Variants in TGFB2 observed in about 807,000 individuals in gnomAD.
TGFB2 encodes the protein transforming growth factor beta-2 proprotein.
In TGFB2, 13 loss-of-function variants were observed where a neutral mutation model predicts 42.7. That is an observed-to-expected ratio of 0.30 (90% confidence interval 0.20 to 0.48). The LOEUF (loss-of-function observed/expected upper bound fraction) is 0.48. TGFB2 is among the 20% of genes least tolerant of loss of function. The probability of loss-of-function intolerance (pLI) is 0.99; values close to 1 mark genes in which losing one functional copy is unlikely to be tolerated. For synonymous variants in TGFB2, 193 were observed against 193.6 expected (o/e 1.00, Z 0.03); for missense variants, 390 against 517.5 (o/e 0.75, Z 2.39).
chr1:218,415,197 A>T (rs1266895853), intron 2 of TGFB2, among the ~76,000 whole-genome samples: 2 of 152,224 alleles, frequency 1.3e-5, no homozygotes, highest in East Asian at 3.9e-4. Flanking sequence ...TATTATTATC[A>T]TTACAGTTTC....
intron 1 of TGFB2, among the ~76,000 whole-genome samples, chr1:218,396,561 T>A (rs1558243832): frequency 2.0e-5 from 3 of 151,908 alleles, no homozygotes; most frequent in African/African-American, 7.3e-5. Flanking sequence ...TTTAATCTTC[T>A]AAATTTTTAG....
chr1:218,425,452 C>T (rs1659591952), intron 2 of TGFB2, among the ~76,000 whole-genome samples: 1 of 152,060 alleles, frequency 6.6e-6, no homozygotes, highest in South Asian at 2.1e-4. Flanking sequence ...CATAATCTGC[C>T]CACCTCAGCC....
intron 1 of TGFB2, among the ~76,000 whole-genome samples, chr1:218,399,990 T>C (rs1333246829): frequency 6.6e-6 from 1 of 152,184 alleles, no homozygotes; most frequent in East Asian, 1.9e-4. Context: ...TACTTCATTA[T>C]ATAGATGAAG....
At chr1:218,437,024 C>T (rs1242927557) in intron 5 of TGFB2, among the ~76,000 whole-genome samples, 1 of 152,184 alleles carries the variant, frequency 6.6e-6, no homozygotes, top group African/African-American at 2.4e-5. Flanking sequence ...AGGGCTTCAT[C>T]ATGCCCAGCC....
chr1:218,384,378 T>C (rs1244949237), intron 1 of TGFB2, among the ~76,000 whole-genome samples: 1 of 152,242 alleles, frequency 6.6e-6, no homozygotes, highest in African/African-American at 2.4e-5. Flanking sequence ...CTTCCTATAC[T>C]ATTATGTGTT....
intron 1 of TGFB2, among the ~76,000 whole-genome samples, chr1:218,364,791 G>A (rs77740456): frequency 2.2e-3 from 332 of 152,268 alleles, no homozygotes; most frequent in African/African-American, 7.4e-3. Flanking sequence ...AGTACAGAGA[G>A]CCTCAAAGTG....
At chr1:218,354,867 G>T (rs1484221803) in intron 1 of TGFB2, among the ~76,000 whole-genome samples, 2 of 151,930 alleles carry the variant, frequency 1.3e-5, no homozygotes, top group African/African-American at 4.8e-5. Context: ...GCACTTAATT[G>T]ATACAAAAAG....
At chr1:218,363,500 T>C (rs920009298) in intron 1 of TGFB2, 11 of 1,372,168 alleles carry the variant, frequency 8.0e-6, no homozygotes, top group East Asian at 4.6e-5. Context: ...GTGGGGAACT[T>C]GCCAGAGGCA....
intron 1 of TGFB2, among the ~76,000 whole-genome samples, chr1:218,378,068 C>A (rs752031087): frequency 6.6e-6 from 1 of 152,162 alleles, no homozygotes; most frequent in Non-Finnish European, 1.5e-5. Flanking sequence ...CGCCGCCTCC[C>A]GGGTTCAAGC....
chr1:218,390,072 A>G (rs1169455147), intron 1 of TGFB2, among the ~76,000 whole-genome samples: 1 of 152,240 alleles, frequency 6.6e-6, no homozygotes, highest in Non-Finnish European at 1.5e-5. Flanking sequence ...TCACACATTT[A>G]TAAACCACTG....
intron 6 of TGFB2, among the ~76,000 whole-genome samples, chr1:218,440,636 T>C (rs1318088971): frequency 6.6e-6 from 1 of 152,218 alleles, no homozygotes; most frequent in Non-Finnish European, 1.5e-5. Context: ...GATAAAACTT[T>C]TTATTCTTCT....
chr1:218,356,458 A>G (rs1571830599), intron 1 of TGFB2, among the ~76,000 whole-genome samples: 1 of 152,074 alleles, frequency 6.6e-6, no homozygotes, highest in Non-Finnish European at 1.5e-5. Context: ...GCCTGAAGCA[A>G]TCCTCCTGCC....
intron 1 of TGFB2, among the ~76,000 whole-genome samples, chr1:218,355,124 A>G (rs1343737058): frequency 2.6e-5 from 4 of 152,170 alleles, no homozygotes; most frequent in African/African-American, 9.6e-5. Flanking sequence ...GCTGGTCTCG[A>G]ACTGATCTCA....
chr1:218,379,620 T>C (rs1657892932), intron 1 of TGFB2, among the ~76,000 whole-genome samples: 1 of 152,102 alleles, frequency 6.6e-6, no homozygotes, highest in Non-Finnish European at 1.5e-5. Flanking sequence ...AGGTTTTATT[T>C]AAAAGTTCTG....
intron 1 of TGFB2, among the ~76,000 whole-genome samples, chr1:218,383,230 T>C (rs1399570020): frequency 6.6e-6 from 1 of 152,198 alleles, no homozygotes; most frequent in Non-Finnish European, 1.5e-5. Context: ...AACCAGGGGT[T>C]TAATTAGAAG....
chr1:218,401,009 GC>G lies in TGFB2; in HGVS notation c.347-4159del, dbSNP rs1202953940. On this transcript the variant is annotated intron_variant, in intron 1 of 6. Coordinates refer to ENST00000366930, the MANE Select transcript of TGFB2 (RefSeq NM_003238.6). ...TGTCCCATAAGACCTCGCTTACAAA[GC>G]ATCAATTCAAAAATAAAATGATTGA... Among the ~76,000 whole-genome samples the G allele has an allele frequency of 2.0e-5, 3 of 152,160 alleles. 1 individual carries two copies. The highest frequency in any genetic ancestry group is 4.4e-5 in the Non-Finnish European group (3 of 68,024).
intron 1 of TGFB2, among the ~76,000 whole-genome samples, chr1:218,400,838 C>T (rs1658690195): frequency 6.6e-6 from 1 of 151,996 alleles, no homozygotes; most frequent in African/African-American, 2.4e-5. Context: ...AAAACAGTGG[C>T]CACTGGGCGG....
chr1:218,424,365 C>G (rs1408883059), intron 2 of TGFB2, among the ~76,000 whole-genome samples: 2 of 152,152 alleles, frequency 1.3e-5, no homozygotes, highest in Non-Finnish European at 2.9e-5. Flanking sequence ...TAATAGAGTT[C>G]AACATTAACA....
At chr1:218,415,699 G>GA (rs1174137652) in intron 2 of TGFB2, among the ~76,000 whole-genome samples, 917 of 61,486 alleles carry the variant, frequency 0.015, 30 homozygotes, top group Middle Eastern at 0.048. Context: ...TGTCTCAAAA[G>GA]AAAAAAAAAA....
Sources: allele counts gnomAD v4.1 joint callset (sites outside exome capture counted in the v4.1 genomes callset), GRCh38; gene constraint gnomAD v4.1.1; transcripts MANE v1.5; gene names NCBI Gene and HGNC (gene_info 2026-07-23, HGNC 2026-07-21).